The following EIF4G1 variants were observed in gnomAD, a reference collection of about 807,000 sequenced individuals.
The protein encoded by EIF4G1 is eukaryotic translation initiation factor 4 gamma 1.
Under a neutral mutation model 187.8 loss-of-function variants are expected in EIF4G1, and 4 were observed. The observed-to-expected ratio is 0.02, with a 90% CI of 0.01 to 0.05. EIF4G1 has a LOEUF of 0.05. Among genes scored for constraint, EIF4G1 ranks in the 10% least tolerant of loss-of-function variants. The pLI, the probability that EIF4G1 is intolerant of heterozygous loss-of-function variation, is 1.00. For missense variants in EIF4G1, 1,647 were observed against 2,081.1 expected (o/e 0.79, Z 4.06); for synonymous variants, 844 against 781.4 (o/e 1.08, Z -1.34).
At chr3:184,332,958 A>G (rs1305571182) in intron 32 of EIF4G1, among the ~76,000 whole-genome samples, 4 of 152,198 alleles carry the variant, frequency 2.6e-5, no homozygotes, top group Admixed American at 2.6e-4. Context: ...TAAGCAAGGA[A>G]TAAAGGAATT....
chr3:184,331,924 A>G (rs1200983523), intron 31 of EIF4G1, 22 bp from the exon 32 acceptor site: 10 of 1,613,674 alleles, frequency 6.2e-6, no homozygotes, highest in Non-Finnish European at 8.5e-6. Flanking sequence ...ATATTGCTCC[A>G]CTCATCCCTG....
chr3:184,329,363 TGGC>T (rs1232164833), intron 28 of EIF4G1, among the ~76,000 whole-genome samples: 2 of 152,234 alleles, frequency 1.3e-5, no homozygotes, highest in East Asian at 3.8e-4. Context: ...CCGGGCGCAG[TGGC>T]TCACGCCTGT....
intron 7 of EIF4G1, 135 bp downstream of exon 7, chr3:184,319,936 GAGGGCTC>G: frequency 1.4e-6 from 1 of 720,208 alleles, no homozygotes. Context: ...GGTGTCTGTG[GAGGGCTC>G]AGGTTCTTTG....
In EIF4G1 at chr3:184,321,416, C is replaced by T. The variant is rs1396364960; in HGVS notation, c.832C>T (p.Pro278Ser). 1 of 1,614,142 alleles carries T rather than the reference C, an allele frequency of 6.2e-7. No homozygotes were observed. The highest frequency in any genetic ancestry group is 1.1e-5 in the South Asian group (1 of 91,076). ...CCCAGTCTTGGAACCGGGGTCTGAG[C>T]CTAATCTCGCAGTCCTCTCTATTCC... ...PSPVLEPGSEPNLAVLSIPGD... is the reference protein window; with the variant it reads ...PSPVLEPGSESNLAVLSIPGD... The change falls in exon 10 of 33, where the codon CCT (proline) becomes TCT (serine). Residue 278 changes from proline to serine, a missense_variant. By Grantham distance (74) the Pro-to-Ser change is moderately conservative. Coordinates refer to ENST00000346169, the MANE Select transcript of EIF4G1 (RefSeq NM_198241.3).
chr3:184,315,943 G>A, intron 3 of EIF4G1, 87 bp downstream of exon 3: 1 of 1,512,474 alleles, frequency 6.6e-7, no homozygotes, highest in African/African-American at 1.4e-5. Context: ...ATCTGTGTCA[G>A]GGCAAAGTGC....
chr3:184,328,341 A>C (rs1252300959), intron 26 of EIF4G1: 1 of 496,014 alleles, frequency 2.0e-6, no homozygotes, highest in Non-Finnish European at 3.7e-6. Context: ...CAGTGAGCCG[A>C]GATCGTGCCA....
At chr3:184,332,173 C>T in intron 32 of EIF4G1, 87 bp downstream of exon 32, 3 of 1,581,294 alleles carry the variant, frequency 1.9e-6, no homozygotes, top group South Asian at 2.2e-5. Context: ...GGTCTTAATC[C>T]AAGAAAGGTA....
chr3:184,331,609 A>T lies in EIF4G1; in HGVS notation c.4395+3A>T. ...AGCGGGTGTTCGACTGGATAGAGGT[A>T]GGTTTCTCCTGGATATCGATAAAGG... On this transcript the variant is annotated splice_donor_region_variant and intron_variant, in intron 30 of 32. Coordinates refer to ENST00000346169, the MANE Select transcript of EIF4G1 (RefSeq NM_198241.3). 1.2e-6 allele frequency: 1 copy of T among 808,610 alleles called. No individual in the cohort carries two copies. The highest frequency in any genetic ancestry group is 1.9e-6 in the Non-Finnish European group (1 of 534,512). The allele number at this position is 808,610 out of a possible 1,614,324, so 50.1% of individuals were successfully genotyped here.
chr3:184,319,073 CA>C lies in EIF4G1; in HGVS notation c.425-601del, dbSNP rs557405660. The C allele has an allele frequency of 4.5e-3, 516 of 115,922 alleles. 1 individual carries two copies. The highest frequency in any genetic ancestry group is 9.3e-3 in the Middle Eastern group (2 of 214). The allele number at this position is 115,922 out of a possible 1,614,324, so 7.2% of individuals were successfully genotyped here. ...TGGGCAATAGAGTGAGACTCCATCT[CA>C]AAAAAAAAAAAAAATTAAGGGGAAA... On this transcript the variant is annotated intron_variant, in intron 6 of 32. Transcript: ENST00000346169.
intron 4 of EIF4G1, chr3:184,316,655 T>A: frequency 3.3e-6 from 5 of 1,516,568 alleles, no homozygotes; most frequent in Non-Finnish European, 4.5e-6. Flanking sequence ...CTTCATTCCC[T>A]CCCCCCGCCA....
chr3:184,334,951 A>G lies in EIF4G1; in HGVS notation c.*43A>G, dbSNP rs1268908521. 4 of 1,611,704 alleles carry G rather than the reference A, an allele frequency of 2.5e-6. No homozygotes were observed. The highest frequency in any genetic ancestry group is 1.3e-5 in the African/African-American group (1 of 75,002). ...GACCTGGAGCCCCATGGACACACAG[A>G]TGGCCCGGCTAGCCGCCTGGACTGC... On this transcript the variant is annotated 3_prime_UTR_variant, in exon 33 of 33. Transcript: ENST00000346169. The surrounding 1 kb of genome is among the most constrained non-coding windows in gnomAD (Gnocchi z 5.8).
At chr3:184,319,554 G>GAGGGCAGGGC in intron 6 of EIF4G1, 135 bp from the exon 7 acceptor site, 1 of 697,122 alleles carries the variant, frequency 1.4e-6, no homozygotes, top group East Asian at 2.7e-5. Context: ...CCTGGGGGAG[G>GAGGGCAGGGC]AGGGCAGGGC....
At position 184,332,059 on chromosome 3, in the gene EIF4G1, C is replaced by A; in HGVS notation, c.4591C>A (p.Leu1531Ile). 1 of 1,614,156 alleles carries A rather than the reference C, an allele frequency of 6.2e-7. No homozygotes were observed. Among genetic ancestry groups the A allele is most frequent in the Non-Finnish European group, 8.5e-7 (1 of 1,180,022 alleles). Residue 1531 changes from leucine to isoleucine, a missense_variant, in exon 32 of 33, where the codon CTT becomes ATT. By Grantham distance (5) the Leu-to-Ile change is conservative. This residue lies in a region of EIF4G1 where 543 missense variants were observed against 638.0 expected (regional missense o/e 0.85). Transcript: ENST00000346169. ...ELQALYALQA[L>I]VVTLEQPPNL... ...ACAGGCGCTCTACGCCCTCCAGGCC[C>A]TTGTAGTGACCTTAGAACAGCCTCC...
chr3:184,317,950 G>A lies in EIF4G1; in HGVS notation c.424+134G>A, dbSNP rs187346990. Reference sequence around the variant, plus strand: ...AAATGATAAGGTTAATAGGTGGTAGGGATTGGTGCTTAATATTTAACTGGT... The same window carrying A: ...AAATGATAAGGTTAATAGGTGGTAGAGATTGGTGCTTAATATTTAACTGGT... On this transcript the variant is annotated intron_variant, in intron 6 of 32. Transcript: ENST00000346169. The A allele has an allele frequency of 5.0e-4, 358 of 721,130 alleles. 1 individual carries two copies. In the African/African-American group the frequency reaches 5.7e-3, roughly 12 times the overall value. The allele number at this position is 721,130 out of a possible 1,614,324, so 44.7% of individuals were successfully genotyped here. A position where few individuals can be genotyped will look rare whatever the true frequency, so the allele number is the denominator to read the frequency against.
At chr3:184,328,857 G>A in intron 27 of EIF4G1, 52 bp from the exon 28 acceptor site, 1 of 1,613,976 alleles carries the variant, frequency 6.2e-7, no homozygotes, top group Non-Finnish European at 8.5e-7. Context: ...AGATGGAGTA[G>A]TGGTGAGAGA....
rs2108485187 is a variant in EIF4G1, at chr3:184,321,747, C to T, written c.1163C>T (p.Ser388Phe). Residue 388 changes from serine (S) to phenylalanine (F), a missense_variant, in exon 10 of 33, where the codon TCC becomes TTC. By Grantham distance (155) the Ser-to-Phe change is radical. Transcript: ENST00000346169. ...PELAPPPACP[S>F]ESPVPIAPTA... ...CTTGCTCCTCCCCCAGCTTGCCCCTCCGAATCCCCTGTGCCCATTGCTCCA... is the reference window on the plus strand; with the variant it reads ...CTTGCTCCTCCCCCAGCTTGCCCCTTCGAATCCCCTGTGCCCATTGCTCCA... 2 of 1,601,542 alleles carry T rather than the reference C, an allele frequency of 1.2e-6. No homozygotes were observed. Among genetic ancestry groups the T allele is most frequent in the Non-Finnish European group, 1.7e-6 (2 of 1,171,398 alleles).
chr3:184,327,122 A>G, intron 23 of EIF4G1, 94 bp from the exon 24 acceptor site: 1 of 1,575,568 alleles, frequency 6.3e-7, no homozygotes, highest in Non-Finnish European at 8.7e-7. Context: ...TCATTATGCT[A>G]AGAACAAGGC....
rs1438051620 is a variant in EIF4G1, at chr3:184,332,011, C to T, written c.4543C>T (p.Leu1515=). The change falls in exon 32 of 33, where the codon CTG becomes TTG. Residue 1515 remains leucine, a synonymous_variant. Coordinates refer to ENST00000346169, the MANE Select transcript of EIF4G1 (RefSeq NM_198241.3). The part of the protein sequence containing the change: ...KARAKLLQKY[L]CDEQKELQAL... ...GCGAGCGAAGCTGCTGCAGAAATAC[C>T]TGTGTGACGAGCAGAAGGAGCTACA... 3 of 1,614,206 alleles carry T rather than the reference C, an allele frequency of 1.9e-6. No individual in the cohort carries two copies. Among genetic ancestry groups the T allele is most frequent in the African/African-American group, 2.7e-5 (2 of 75,042 alleles).
rs1266854196 is a variant in EIF4G1 at position 184,321,466 on chromosome 3, A to G, written c.882A>G (p.Gln294=). 2.5e-6 allele frequency: 4 copies of G among 1,613,954 alleles called. No individual in the cohort carries two copies. The highest frequency in any genetic ancestry group is 1.3e-5 in the African/African-American group (1 of 74,876). ...CTGGGGACACTATGACAACTATACA[A>G]ATGTCTGTAGAAGAATCAACCCCCA... is the stretch of plus-strand genomic sequence containing the variant. The part of the protein sequence containing the change: ...SIPGDTMTTI[Q]MSVEESTPIS... Residue 294 remains glutamine (Q), a synonymous_variant, in exon 10 of 33, where the codon CAA becomes CAG. Coordinates refer to ENST00000346169, the MANE Select transcript of EIF4G1 (RefSeq NM_198241.3).
Sources: allele counts gnomAD v4.1 joint callset (sites outside exome capture counted in the v4.1 genomes callset), GRCh38; gene constraint gnomAD v4.1.1; regional missense constraint gnomAD v4.1.1; non-coding constraint Gnocchi (gnomAD v3.1); transcripts MANE v1.5; gene names NCBI Gene and HGNC (gene_info 2026-07-23, HGNC 2026-07-21).